The following GPATCH8 variants were observed in gnomAD, a reference collection of about 807,000 sequenced individuals.
The protein encoded by GPATCH8 is G-patch domain containing 8.
Under a neutral mutation model 118.3 loss-of-function variants are expected in GPATCH8, and 18 were observed. That is an observed-to-expected ratio of 0.15 (90% CI 0.11 to 0.23). GPATCH8 has a LOEUF of 0.23. Among genes scored for constraint, GPATCH8 ranks in the 10% least tolerant of loss-of-function variants. The probability of loss-of-function intolerance (pLI) is 1.00; values close to 1 mark genes in which losing one functional copy is unlikely to be tolerated. For missense variants in GPATCH8, 1,631 were observed against 1,873.8 expected (o/e 0.87, Z 2.39); for synonymous variants, 659 against 684.7 (o/e 0.96, Z 0.59).
rs112471632 is a variant in GPATCH8, at chr17:44,395,858, T to C, written c.*1710A>G. The C allele has an allele frequency of 1.9e-3, 867 of 454,072 alleles. 8 individuals are homozygous for C. The highest frequency in any genetic ancestry group is 0.014 in the African/African-American group (706 of 50,086). 28.1% of individuals were successfully genotyped at this position (454,072 alleles called of 1,614,324 possible). A position where few individuals can be genotyped will look rare whatever the true frequency, so the allele number is the denominator to read the frequency against. On this transcript the variant is annotated 3_prime_UTR_variant, in exon 8 of 8. Transcript: ENST00000591680. ...GAATTGTTAACCTCATCAAAGGAGA[T>C]GGGACCTGCAACACAAGCACCTTTG...
At chr17:44,423,890 A>G (rs2050000265) in intron 6 of GPATCH8, among the ~76,000 whole-genome samples, 1 of 152,202 alleles carries the variant, frequency 6.6e-6, no homozygotes, top group South Asian at 2.1e-4. Context: ...AATTTATCTA[A>G]CTTCCAAGGT....
intron 3 of GPATCH8, among the ~76,000 whole-genome samples, chr17:44,447,299 C>T (rs954983102): frequency 6.6e-6 from 1 of 151,944 alleles, no homozygotes; most frequent in Non-Finnish European, 1.5e-5. Context: ...GCTGGGACTA[C>T]AGGCACGTGC....
intron 6 of GPATCH8, among the ~76,000 whole-genome samples, chr17:44,412,201 G>GCATGAACCA (rs1251844107): frequency 6.6e-6 from 1 of 152,068 alleles, no homozygotes; most frequent in Non-Finnish European, 1.5e-5. Context: ...GGGATTACAG[G>GCATGAACCA]CATGAACCAC....
intron 6 of GPATCH8, among the ~76,000 whole-genome samples, chr17:44,417,034 T>C (rs1238805398): frequency 6.7e-6 from 1 of 148,854 alleles, no homozygotes; most frequent in Non-Finnish European, 1.5e-5. Context: ...TTAAAGGAAT[T>C]TTTTTTTTTT....
intron 1 of GPATCH8, among the ~76,000 whole-genome samples, chr17:44,501,478 T>C (rs1484036434): frequency 1.3e-5 from 2 of 151,906 alleles, no homozygotes; most frequent in Non-Finnish European, 2.9e-5. Context: ...TTTCAACATA[T>C]AAGCAGAAAA....
chr17:44,404,341 C>G (rs1159813260), intron 7 of GPATCH8, among the ~76,000 whole-genome samples: 1 of 151,860 alleles, frequency 6.6e-6, no homozygotes, highest in Non-Finnish European at 1.5e-5. Context: ...CAGGGTCTTC[C>G]TATGTTGCCC....
rs1394326187 is a variant in GPATCH8, at chr17:44,398,482, T to A, written c.3595A>T (p.Thr1199Ser). Reference protein sequence around the residue: ...FGHQFPSEETTGPLLDPPPEE... With the variant: ...FGHQFPSEETSGPLLDPPPEE... ...GGGGGTGGGTCTAATAAGGGGCCAG[T>A]TGTTTCCTCTGAAGGGAACTGATGC... Residue 1199 changes from threonine (T) to serine (S), a missense_variant, in exon 8 of 8, where the codon ACT becomes TCT. Physicochemically the swap from Thr to Ser is moderately conservative, Grantham distance 58. Transcript: ENST00000591680. 1 of 1,609,428 alleles carries A rather than the reference T, an allele frequency of 6.2e-7. No homozygotes were observed.
At chr17:44,497,257 ATAAT>A (rs1180210037) in intron 1 of GPATCH8, among the ~76,000 whole-genome samples, 1 of 152,240 alleles carries the variant, frequency 6.6e-6, no homozygotes, top group African/African-American at 2.4e-5. Flanking sequence ...TTTCTGATTC[ATAAT>A]TAAGATCTCA....
Position 44,399,753 on chromosome 17 carries a change from C to T in GPATCH8, c.2324G>A (p.Gly775Asp), listed in dbSNP as rs908326211. 7 of 1,613,804 alleles carry T rather than the reference C, an allele frequency of 4.3e-6. No individual in the cohort carries two copies. Among genetic ancestry groups the T allele is most frequent in the East Asian group, 2.2e-5 (1 of 44,832 alleles). ...CCCACCATGGTCTTGGGAGCTGCTACCACCCCCACCTTCATCCTTTTTGCC... is the reference window on the plus strand; with the variant it reads ...CCCACCATGGTCTTGGGAGCTGCTATCACCCCCACCTTCATCCTTTTTGCC... ...SSGKKDEGGG[G>D]SSSQDHGGRK... is the part of the protein sequence containing the mutation. Residue 775 changes from glycine (G) to aspartate (D), a missense_variant, in exon 8 of 8, where the codon GGT becomes GAT. By Grantham distance (94) the Gly-to-Asp change is moderately conservative. Transcript: ENST00000591680.
At chr17:44,464,144 A>T (rs2144298635) in intron 3 of GPATCH8, among the ~76,000 whole-genome samples, 1 of 152,298 alleles carries the variant, frequency 6.6e-6, no homozygotes, top group East Asian at 1.9e-4. Flanking sequence ...GCACAAAGAA[A>T]GCATACTCTG....
Position 44,397,851 on chromosome 17 carries a change from G to T in GPATCH8, c.4226C>A (p.Pro1409His). 9 of 1,605,082 alleles carry T rather than the reference G, an allele frequency of 5.6e-6. No homozygotes were observed. Among genetic ancestry groups the T allele is most frequent in the Non-Finnish European group, 7.7e-6 (9 of 1,173,528 alleles). Reference sequence around the variant, plus strand: ...AGAAATGGGGGTCAGATGGGGCTGGGGAATATGATGCACCTGGGCAAGTGG... The same window carrying T: ...AGAAATGGGGGTCAGATGGGGCTGGTGAATATGATGCACCTGGGCAAGTGG... ...PQPLAQVHHI[P>H]QPHLTPISLS... The change falls in exon 8 of 8, where the codon CCC (proline) becomes CAC (histidine). Residue 1409 changes from proline to histidine, a missense_variant. Pro to His is a moderately conservative substitution (Grantham distance 77). Coordinates refer to ENST00000591680, the MANE Select transcript of GPATCH8 (RefSeq NM_001002909.4).
chr17:44,481,733 C>T (rs1272321261), intron 1 of GPATCH8, among the ~76,000 whole-genome samples: 1 of 152,048 alleles, frequency 6.6e-6, no homozygotes, highest in East Asian at 1.9e-4. Flanking sequence ...CTGTATTTCA[C>T]CTCTAAAAAA....
At chr17:44,449,573 A>G (rs937561182) in intron 3 of GPATCH8, among the ~76,000 whole-genome samples, 14 of 150,448 alleles carry the variant, frequency 9.3e-5, no homozygotes, top group Non-Finnish European at 1.9e-4. Context: ...CTGGAGTGCA[A>G]TGGCGTGATC....
Position 44,492,352 on chromosome 17 carries a change from A to C in GPATCH8, c.45+10974T>G, listed in dbSNP as rs1189944397. On this transcript the variant is annotated intron_variant, in intron 1 of 7. Coordinates refer to ENST00000591680, the MANE Select transcript of GPATCH8 (RefSeq NM_001002909.4). ...CAGCACTTTGGGAGGCCGAGGCGGGAGGATCACAAGGTCAGGAGATTGAGA... is the reference window on the plus strand; with the variant it reads ...CAGCACTTTGGGAGGCCGAGGCGGGCGGATCACAAGGTCAGGAGATTGAGA... Among the ~76,000 whole-genome samples the C allele has an allele frequency of 5.5e-5, 8 of 146,334 alleles. No homozygotes were observed. In the East Asian group the frequency reaches 1.6e-3, roughly 29 times the overall value.
At chr17:44,438,756 G>A (rs1414852091) in intron 3 of GPATCH8, 5 of 152,546 alleles carry the variant, frequency 3.3e-5, no homozygotes. Flanking sequence ...GAAACCATTA[G>A]GGTAGGAAAC....
At chr17:44,438,692 CACA>C (rs937627130) in intron 3 of GPATCH8, 7 of 152,390 alleles carry the variant, frequency 4.6e-5, no homozygotes, top group African/African-American at 1.7e-4. Flanking sequence ...TTACCATCAC[CACA>C]ACAAGTCCAG....
chr17:44,492,343 C>T lies in GPATCH8; in HGVS notation c.45+10983G>A, dbSNP rs183415647. The stretch of plus-strand genomic sequence containing the variant: ...CCGTAACCCCAGCACTTTGGGAGGC[C>T]GAGGCGGGAGGATCACAAGGTCAGG... On this transcript the variant is annotated intron_variant, in intron 1 of 7. Transcript: ENST00000591680. Among the ~76,000 whole-genome samples, 324 of 143,650 alleles carry T rather than the reference C, an allele frequency of 2.3e-3. 1 individual carries two copies. Among genetic ancestry groups the T allele is most frequent in the African/African-American group, 7.9e-3 (307 of 38,822 alleles). 94.2% of individuals were successfully genotyped at this position (143,650 alleles called of 152,430 possible). A position where few individuals can be genotyped will look rare whatever the true frequency, so the allele number is the denominator to read the frequency against.
In GPATCH8 at chr17:44,396,868, T is replaced by C. The variant is rs775282622; in HGVS notation, c.*700A>G. The C allele has an allele frequency of 5.1e-5, 23 of 454,230 alleles. No individual in the cohort carries two copies. The highest frequency in any genetic ancestry group is 1.0e-4 in the Non-Finnish European group (23 of 226,792). 28.1% of individuals were successfully genotyped at this position (454,230 alleles called of 1,614,324 possible). On this transcript the variant is annotated 3_prime_UTR_variant, in exon 8 of 8. Coordinates refer to ENST00000591680, the MANE Select transcript of GPATCH8 (RefSeq NM_001002909.4). ...GACACATGAGCTCCTCTCTGGGCCA[T>C]ACAGCTTTTATTCATGATAGGATCT...
In GPATCH8 at chr17:44,395,954, T is replaced by G; in HGVS notation, c.*1614A>C. ...AGAGGGGCAAAAGAGGCTGAGGTGG[T>G]AATTCCTCTTGTCAGTGTCATGGGA... On this transcript the variant is annotated 3_prime_UTR_variant, in exon 8 of 8. Coordinates refer to ENST00000591680, the MANE Select transcript of GPATCH8 (RefSeq NM_001002909.4). 1 of 454,336 alleles carries G rather than the reference T, an allele frequency of 2.2e-6. No individual in the cohort carries two copies. The highest frequency in any genetic ancestry group is 4.4e-6 in the Non-Finnish European group (1 of 226,734). 28.1% of individuals were successfully genotyped at this position (454,336 alleles called of 1,614,324 possible).
Sources: gnomAD v4.1 joint callset for allele counts (sites outside exome capture counted in the v4.1 genomes callset) on GRCh38, gnomAD v4.1.1 for gene constraint, MANE v1.5 for transcripts, NCBI Gene and HGNC (gene_info 2026-07-23, HGNC 2026-07-21) for gene names.